The following CCSER1 variants were observed in gnomAD, a reference collection of about 807,000 sequenced individuals.
CCSER1 encodes the protein serine-rich coiled-coil domain-containing protein 1.
CCSER1 carries 41 observed loss-of-function variants against 82.0 expected under a neutral mutation model. That is an observed-to-expected ratio of 0.50 (90% CI 0.39 to 0.65). CCSER1 has a LOEUF of 0.65. Ranked by LOEUF, CCSER1 falls within the 30% of genes least tolerant of loss-of-function variation. The pLI, the probability that CCSER1 is intolerant of heterozygous loss-of-function variation, is 0.00. For synonymous variants in CCSER1, 414 were observed against 383.9 expected (o/e 1.08, Z -0.92); for missense variants, 1,119 against 1,064.2 (o/e 1.05, Z -0.72).
At chr4:90,951,576 GT>G (rs1399048296) in intron 9 of CCSER1, among the ~76,000 whole-genome samples, 1 of 151,964 alleles carries the variant, frequency 6.6e-6, no homozygotes, top group African/African-American at 2.4e-5. Context: ...GGTTCACAAG[GT>G]TTTGTCAGAA....
In CCSER1 at chr4:90,873,975, G is replaced by A. The variant is rs1034835510; in HGVS notation, c.2095-49395G>A. Among the ~76,000 whole-genome samples, 10 of 151,926 alleles carry A rather than the reference G, an allele frequency of 6.6e-5. No homozygotes were observed. In the East Asian group the frequency reaches 9.7e-4, roughly 15 times the overall value. Reference sequence around the variant, plus strand: ...ATAGGCAAACAGTTGCATATGGTACGGTACTAAATGTGTTAAAGAACCTTT... The same window carrying A: ...ATAGGCAAACAGTTGCATATGGTACAGTACTAAATGTGTTAAAGAACCTTT... On this transcript the variant is annotated intron_variant, in intron 8 of 10. Transcript: ENST00000509176.
chr4:90,484,727 C>A (rs371049552), intron 5 of CCSER1, among the ~76,000 whole-genome samples: 1 of 152,168 alleles, frequency 6.6e-6, no homozygotes, highest in South Asian at 2.1e-4. Flanking sequence ...GATGGTTCCT[C>A]TGGAAGTTTT....
chr4:90,827,059 A>G (rs775970223), intron 8 of CCSER1, among the ~76,000 whole-genome samples: 5 of 152,230 alleles, frequency 3.3e-5, no homozygotes, highest in Non-Finnish European at 5.9e-5. Context: ...AGCACAGCTC[A>G]CAAATCAACT....
In CCSER1 at chr4:90,504,665, C is replaced by G. The variant is rs185873752; in HGVS notation, c.1724+36311C>G. Among the ~76,000 whole-genome samples, 197 of 152,226 alleles carry G rather than the reference C, an allele frequency of 1.3e-3. 1 individual carries two copies. Among genetic ancestry groups the G allele is most frequent in the African/African-American group, 4.3e-3 (178 of 41,538 alleles). On this transcript the variant is annotated intron_variant, in intron 5 of 10. Transcript: ENST00000509176. ...AGTTATTTTCCTCTCAAATTCTCAC[C>G]TCATATAGCAAAGTGTAAAATAAAG...
At chr4:91,466,875 A>G (rs1409102206) in intron 10 of CCSER1, among the ~76,000 whole-genome samples, 1 of 152,232 alleles carries the variant, frequency 6.6e-6, no homozygotes, top group Non-Finnish European at 1.5e-5. Context: ...AAATGGAAGA[A>G]CATTCCATGC....
intron 8 of CCSER1, among the ~76,000 whole-genome samples, chr4:90,848,181 A>G (rs187326998): frequency 6.6e-6 from 1 of 152,342 alleles, no homozygotes; most frequent in Admixed American, 6.5e-5. Flanking sequence ...ATTGTTCAGA[A>G]GATGAGTGCA....
At chr4:91,252,146 T>C (rs1740305446) in intron 10 of CCSER1, among the ~76,000 whole-genome samples, 1 of 152,062 alleles carries the variant, frequency 6.6e-6, no homozygotes, top group Non-Finnish European at 1.5e-5. Flanking sequence ...ATCAGAATCT[T>C]TGGGAGACAG....
chr4:91,169,965 A>G (rs1732581938), intron 10 of CCSER1, among the ~76,000 whole-genome samples: 1 of 152,188 alleles, frequency 6.6e-6, no homozygotes, highest in Non-Finnish European at 1.5e-5. Context: ...TGTAGTCACT[A>G]TGGGTCAAAT....
intron 8 of CCSER1, among the ~76,000 whole-genome samples, chr4:90,835,187 C>T (rs1056190102): frequency 3.9e-5 from 6 of 152,072 alleles, no homozygotes; most frequent in Admixed American, 3.3e-4. Flanking sequence ...AAAAATTAGC[C>T]GGGCGTGGTG....
At chr4:90,727,791 G>A (rs955014626) in intron 7 of CCSER1, among the ~76,000 whole-genome samples, 3 of 152,110 alleles carry the variant, frequency 2.0e-5, no homozygotes, top group African/African-American at 7.2e-5. Flanking sequence ...ATGTTCATCA[G>A]TTTTAAAATT....
At chr4:90,922,864 T>TA (rs1453254106) in intron 8 of CCSER1, among the ~76,000 whole-genome samples, 1 of 152,172 alleles carries the variant, frequency 6.6e-6, no homozygotes. Flanking sequence ...CTTCCCTAGT[T>TA]ATCACAGGGT....
rs534085915 is a variant in CCSER1, at chr4:91,603,852, T to A, written c.*4795T>A. The A allele has an allele frequency of 6.6e-6, 1 of 152,120 alleles. No homozygotes were observed. Among genetic ancestry groups the A allele is most frequent in the South Asian group, 2.1e-4 (1 of 4,818 alleles). 9.4% of individuals were successfully genotyped at this position (152,120 alleles called of 1,614,324 possible). A position where few individuals can be genotyped will look rare whatever the true frequency, so the allele number is the denominator to read the frequency against. On this transcript the variant is annotated 3_prime_UTR_variant, in exon 11 of 11. Coordinates refer to ENST00000509176, the MANE Select transcript of CCSER1 (RefSeq NM_001145065.2). ...GTGAGGATCTGCTTCCTGATTTGCATGTTGGAGAAAGGGCTCTGGCCTCTT... is the reference window on the plus strand; with the variant it reads ...GTGAGGATCTGCTTCCTGATTTGCAAGTTGGAGAAAGGGCTCTGGCCTCTT...
At chr4:90,412,584 A>T (rs1214157148) in intron 4 of CCSER1, among the ~76,000 whole-genome samples, 4 of 152,014 alleles carry the variant, frequency 2.6e-5, no homozygotes, top group Non-Finnish European at 1.5e-5. Context: ...CATACGAGGG[A>T]TGCAGGGATG....
At chr4:90,262,883 C>T (rs539356736) in intron 1 of CCSER1, among the ~76,000 whole-genome samples, 44 of 152,266 alleles carry the variant, frequency 2.9e-4, no homozygotes, top group Admixed American at 7.9e-4. Flanking sequence ...CTCATGCAAT[C>T]CTGAACCTGG....
chr4:91,020,156 T>C (rs1739801204), intron 9 of CCSER1, among the ~76,000 whole-genome samples: 1 of 152,162 alleles, frequency 6.6e-6, no homozygotes, highest in Non-Finnish European at 1.5e-5. Flanking sequence ...AATAAATATG[T>C]ACTTAAGATG....
chr4:91,174,719 C>G (rs1581707762), intron 10 of CCSER1, among the ~76,000 whole-genome samples: 1 of 152,060 alleles, frequency 6.6e-6, no homozygotes, highest in Non-Finnish European at 1.5e-5. Context: ...AAAATCAGAT[C>G]ATCTGAGTTA....
intron 5 of CCSER1, among the ~76,000 whole-genome samples, chr4:90,563,717 G>A (rs1473711669): frequency 1.3e-5 from 2 of 152,016 alleles, no homozygotes; most frequent in Non-Finnish European, 2.9e-5. Context: ...TTCCACGTCT[G>A]GCTGTTTTGA....
At chr4:91,507,656 C>T (rs1274831894) in intron 10 of CCSER1, among the ~76,000 whole-genome samples, 1 of 151,650 alleles carries the variant, frequency 6.6e-6, no homozygotes, top group Non-Finnish European at 1.5e-5. Context: ...TCTGAATACA[C>T]GTCCTTTACA....
chr4:91,539,985 A>G (rs961928893), intron 10 of CCSER1, among the ~76,000 whole-genome samples: 4 of 152,128 alleles, frequency 2.6e-5, no homozygotes, highest in Admixed American at 6.6e-5. Flanking sequence ...TCTTTAATCT[A>G]TGCATGATGG....
Sources: gnomAD v4.1 joint callset for allele counts (sites outside exome capture counted in the v4.1 genomes callset) on GRCh38, gnomAD v4.1.1 for gene constraint, MANE v1.5 for transcripts, NCBI Gene and HGNC (gene_info 2026-07-23, HGNC 2026-07-21) for gene names.